The following NOC2L variants were observed in gnomAD, a reference collection of about 807,000 sequenced individuals.
NOC2L encodes nucleolar complex protein 2 homolog.
NOC2L carries 101 observed loss-of-function variants against 94.2 expected under a neutral mutation model. The ratio of observed to expected loss-of-function variants is 1.07; its 90% CI spans 0.91 to 1.26. The LOEUF is 1.26. Ranked by LOEUF, NOC2L falls within the 50% of genes most tolerant of loss-of-function variation. NOC2L has a pLI of 0.00. For missense variants in NOC2L, 1,076 were observed against 980.1 expected, an observed-to-expected ratio of 1.10 and a Z score of -1.31; for synonymous variants, 531 against 413.4, an observed-to-expected ratio of 1.28 and a Z score of -3.45.
intron 14 of NOC2L, among the ~76,000 whole-genome samples, 174 bp downstream of exon 14, chr1:947,957 T>C (rs1475493795): frequency 1.3e-5 from 2 of 151,996 alleles, no homozygotes; most frequent in Non-Finnish European, 2.9e-5. Context: ...CTGAATGGCT[T>C]AGAACCCCTC....
chr1:946,874 G>A (rs549548728), intron 14 of NOC2L: 212 of 209,316 alleles, frequency 1.0e-3, no homozygotes, highest in Admixed American at 1.6e-3. Flanking sequence ...CCTGGCCAAC[G>A]TGGCAAAACC....
chr1:953,068 G>A (rs1231447958), intron 9 of NOC2L, 107 bp downstream of exon 9: 1 of 734,686 alleles, frequency 1.4e-6, no homozygotes, highest in African/African-American at 1.7e-5. Context: ...CAGAGCTGCA[G>A]TGAGGGTCCA....
At position 956,968 on chromosome 1, in the gene NOC2L, T is replaced by C. The variant is rs1030649446; in HGVS notation, c.412A>G (p.Arg138Gly). 9 of 1,614,122 alleles carry C rather than the reference T, an allele frequency of 5.6e-6. No homozygotes were observed. Among genetic ancestry groups the C allele is most frequent in the African/African-American group, 4.0e-5 (3 of 75,072 alleles). Residue 138 changes from arginine to glycine, a missense_variant, in exon 4 of 19, where the codon AGA becomes GGA. Physicochemically the swap from Arg to Gly is moderately radical, Grantham distance 125 (BLOSUM62 -2). Around this residue, in one of 3 missense-constraint regions of NOC2L, gnomAD observed 457 missense variants for 386.0 expected, o/e 1.18. Transcript: ENST00000327044. ...GAATTCTTCTTCCCCTTCAGCCCTC[T>C]GGGGACTCTGTCCCCATCTTCTCCT... is the stretch of plus-strand genomic sequence containing the variant. Reference protein sequence around the residue: ...EEGEDGDRVPRGLKGKKNSVP... With the variant: ...EEGEDGDRVPGGLKGKKNSVP...
chr1:952,351 C>G, intron 10 of NOC2L, 61 bp downstream of exon 10: 3 of 1,578,914 alleles, frequency 1.9e-6, no homozygotes, highest in Middle Eastern at 3.5e-4. Context: ...TGCCTTGGGT[C>G]GGGCACCTGG....
rs369677542 is a variant in NOC2L at position 952,565 on chromosome 1, G to A, written c.1038C>T (p.Phe346=). The part of the protein sequence containing the change: ...MYITYVRNCK[F]TSPGALPFIS... ...TGAAGGGGAGGGCACCAGGCGAGGT[G>A]AACTTGCAGTTCCTCACATACGTGA... The change falls in exon 10 of 19, where the codon TTC becomes TTT. Residue 346 remains phenylalanine (F), a synonymous_variant. Coordinates refer to ENST00000327044, the MANE Select transcript of NOC2L (RefSeq NM_015658.4). 3.2e-5 allele frequency: 51 copies of A among 1,613,744 alleles called. 1 individual carries two copies. The South Asian group carries it at 4.0e-4, about 13-fold the overall frequency.
intron 16 of NOC2L, among the ~76,000 whole-genome samples, chr1:945,863 T>C: frequency 6.6e-6 from 1 of 152,204 alleles, no homozygotes; most frequent in Non-Finnish European, 1.5e-5. Flanking sequence ...CACGGGCCCC[T>C]GGTGCCCACA....
intron 10 of NOC2L, 113 bp downstream of exon 10, chr1:952,299 T>G: frequency 4.2e-6 from 6 of 1,439,862 alleles, no homozygotes; most frequent in Non-Finnish European, 5.7e-6. Context: ...ACCAGGGTGC[T>G]GGGCTGTCTC....
chr1:952,396 G>A lies in NOC2L; in HGVS notation c.1191+16C>T. 6.2e-7 allele frequency: 1 copy of A among 1,611,302 alleles called. No homozygotes were observed. The highest frequency in any genetic ancestry group is 8.5e-7 in the Non-Finnish European group (1 of 1,178,582). On this transcript the variant is annotated intron_variant, in intron 10 of 18. Coordinates refer to ENST00000327044, the MANE Select transcript of NOC2L (RefSeq NM_015658.4). The stretch of plus-strand genomic sequence containing the variant: ...CCCCATGCCCAGCATGAGCCTGGAA[G>A]GGCCCCACCACACACCTTCTTGCGA...
chr1:944,931 A>C lies in NOC2L; in HGVS notation c.2143+126T>G, dbSNP rs891739253. On this transcript the variant is annotated intron_variant, in intron 18 of 18. Coordinates refer to ENST00000327044, the MANE Select transcript of NOC2L (RefSeq NM_015658.4). Reference sequence around the variant, plus strand: ...GTTGCTGGCTGCCAGAGAACAGAGCATTTGGCCTGGCCTTCCCAGGGAGGG... The same window carrying C: ...GTTGCTGGCTGCCAGAGAACAGAGCCTTTGGCCTGGCCTTCCCAGGGAGGG... 16 of 1,497,590 alleles carry C rather than the reference A, an allele frequency of 1.1e-5. No individual in the cohort carries two copies. The African/African-American group carries it at 1.7e-4, about 16-fold the overall frequency. The allele number at this position is 1,497,590 out of a possible 1,614,324, so 92.8% of individuals were successfully genotyped here. A position where few individuals can be genotyped will look rare whatever the true frequency, so the allele number is the denominator to read the frequency against.
chr1:948,243 G>C lies in NOC2L; in HGVS notation c.1558-11C>G. 6.4e-7 allele frequency: 1 copy of C among 1,569,448 alleles called. No individual in the cohort carries two copies. Among genetic ancestry groups the C allele is most frequent in the Non-Finnish European group, 8.6e-7 (1 of 1,156,344 alleles). On this transcript the variant is annotated splice_polypyrimidine_tract_variant and intron_variant, in intron 13 of 18. Coordinates refer to ENST00000327044, the MANE Select transcript of NOC2L (RefSeq NM_015658.4). The stretch of plus-strand genomic sequence containing the variant: ...CTCCACCAGGCCGTCCTGAAGAGCA[G>C]GAGAGAGGGCCGAGTGCATCAGGGA...
At chr1:946,655 G>A (rs1229538545) in intron 14 of NOC2L, 110 bp from the exon 15 acceptor site, 7 of 1,306,200 alleles carry the variant, frequency 5.4e-6, no homozygotes, top group East Asian at 4.7e-5. Flanking sequence ...CCCCAGGAGG[G>A]GACATGGATC....
intron 8 of NOC2L, 74 bp from the exon 9 acceptor site, chr1:953,362 C>G (rs1474856261): frequency 1.1e-6 from 1 of 892,502 alleles, no homozygotes; most frequent in African/African-American, 1.7e-5. Flanking sequence ...GCACAGCCCT[C>G]CCCAGCCAGG....
chr1:956,186 T>G lies in NOC2L; in HGVS notation c.516A>C (p.Glu172Asp). 6.2e-7 allele frequency: 1 copy of G among 1,613,834 alleles called. No homozygotes were observed. The change falls in exon 5 of 19, where the codon GAA becomes GAC. Residue 172 changes from glutamate to aspartate, a missense_variant. Physicochemically the swap from Glu to Asp is conservative, Grantham distance 45. This residue lies in a region of NOC2L where 457 missense variants were observed against 386.0 expected (regional missense o/e 1.18). Coordinates refer to ENST00000327044, the MANE Select transcript of NOC2L (RefSeq NM_015658.4). ...CAGCTGCTCGGAACGCCTGTACCAC[T>G]TCATGGAACAGCTTTGGAGTGAGGC... Reference protein sequence around the residue: ...KQRLTPKLFHEVVQAFRAAVA... With the variant: ...KQRLTPKLFHDVVQAFRAAVA...
intron 2 of NOC2L, chr1:957,566 T>C (rs1241117562): frequency 5.2e-6 from 2 of 386,996 alleles, no homozygotes; most frequent in Non-Finnish European, 4.8e-6. Context: ...GCCTGTGCCC[T>C]GCGCTACTTT....
At chr1:953,147 G>C in intron 9 of NOC2L, 28 bp downstream of exon 9, 1 of 1,515,672 alleles carries the variant, frequency 6.6e-7, no homozygotes, top group Non-Finnish European at 9.2e-7. Context: ...CAGATGCTGA[G>C]GGACACAGAC....
At position 944,328 on chromosome 1, in the gene NOC2L, G is replaced by GGCAGA; in HGVS notation, c.*361_*365dup. 7.2e-7 allele frequency: 1 copy of GGCAGA among 1,385,122 alleles called. No individual in the cohort carries two copies. The highest frequency in any genetic ancestry group is 9.3e-7 in the Non-Finnish European group (1 of 1,076,954). 85.8% of individuals were successfully genotyped at this position (1,385,122 alleles called of 1,614,324 possible). A position where few individuals can be genotyped will look rare whatever the true frequency, so the allele number is the denominator to read the frequency against. On this transcript the variant is annotated 3_prime_UTR_variant, in exon 19 of 19. Transcript: ENST00000327044. ...ATTTTCAAAGACTTGGGGGAGTGAA[G>GGCAGA]GCAGAGCCTGGTGCAGATGGACGAG...
intron 14 of NOC2L, among the ~76,000 whole-genome samples, chr1:947,755 A>T (rs1427503930): frequency 6.6e-6 from 1 of 152,154 alleles, no homozygotes; most frequent in Non-Finnish European, 1.5e-5. Context: ...GCCACCTGAG[A>T]AGCCACTCCA....
In NOC2L at chr1:946,559, G is replaced by T; in HGVS notation, c.1660-14C>A. 1 of 1,609,556 alleles carries T rather than the reference G, an allele frequency of 6.2e-7. No individual in the cohort carries two copies. Among genetic ancestry groups the T allele is most frequent in the South Asian group, 1.1e-5 (1 of 90,854 alleles). The stretch of plus-strand genomic sequence containing the variant: ...GAACGACTTCAGCTGCGGAAGGGAG[G>T]GGTCAGCCACTGAAGCCCAGGACCG... On this transcript the variant is annotated splice_polypyrimidine_tract_variant and intron_variant, in intron 14 of 18. Coordinates refer to ENST00000327044, the MANE Select transcript of NOC2L (RefSeq NM_015658.4).
In NOC2L at chr1:953,818, G is replaced by A. The variant is rs756485369; in HGVS notation, c.852C>T (p.Phe284=). ...TGCGGCACTGCTTGGGGAAGGTCAGGAAGCAGGGCACCAGCACGCTGATGT... is the reference window on the plus strand; with the variant it reads ...TGCGGCACTGCTTGGGGAAGGTCAGAAAGCAGGGCACCAGCACGCTGATGT... The part of the protein sequence containing the change: ...LRHISVLVPC[F]LTFPKQCRML... The change falls in exon 8 of 19, where the codon TTC becomes TTT. Residue 284 remains phenylalanine (F), a synonymous_variant. Coordinates refer to ENST00000327044, the MANE Select transcript of NOC2L (RefSeq NM_015658.4). 1.2e-6 allele frequency: 2 copies of A among 1,613,002 alleles called. No individual in the cohort carries two copies. Among genetic ancestry groups the A allele is most frequent in the Admixed American group, 1.7e-5 (1 of 60,014 alleles).
Sources: gnomAD v4.1 joint callset for allele counts (sites outside exome capture counted in the v4.1 genomes callset) on GRCh38, gnomAD v4.1.1 for gene constraint, gnomAD v4.1.1 regional missense constraint, MANE v1.5 for transcripts, NCBI Gene and HGNC (gene_info 2026-07-23, HGNC 2026-07-21) for gene names.